The following ELMOD1 variants were observed in gnomAD, a reference collection of about 807,000 sequenced individuals.
The protein encoded by ELMOD1 is ELMO domain-containing protein 1.
In ELMOD1, 21 loss-of-function variants were observed where a neutral mutation model predicts 46.7. The ratio of observed to expected loss-of-function variants is 0.45; its 90% CI spans 0.32 to 0.65. The LOEUF (loss-of-function observed/expected upper bound fraction) is 0.65, where lower values mean the gene tolerates loss of function less well. Ranked by LOEUF, ELMOD1 falls within the 30% of genes least tolerant of loss-of-function variation. ELMOD1 has a pLI of 0.04. For synonymous variants in ELMOD1, 122 were observed against 138.2 expected, an observed-to-expected ratio of 0.88 and a Z score of 0.82; for missense variants, 348 against 407.8, an observed-to-expected ratio of 0.85 and a Z score of 1.26.
At position 107,630,514 on chromosome 11, in the gene ELMOD1, C is replaced by A; in HGVS notation, c.115C>A (p.Arg39=). 1.2e-6 allele frequency: 2 copies of A among 1,610,464 alleles called. No individual in the cohort carries two copies. Among genetic ancestry groups the A allele is most frequent in the East Asian group, 2.2e-5 (1 of 44,806 alleles). The change falls in exon 3 of 12, where the codon CGG becomes AGG. Residue 39 remains arginine, a synonymous_variant. Transcript: ENST00000265840. The part of the protein sequence containing the change: ...RKLTGRCELQ[R]ICYNTKPGAS... ...GCTAACTGGAAGATGTGAACTACAA[C>A]GGATCTGTTATAATACCAAGCCGGG...
chr11:107,654,642 G>A (rs1006063061), intron 10 of ELMOD1, among the ~76,000 whole-genome samples: 15 of 151,990 alleles, frequency 9.9e-5, no homozygotes, highest in Middle Eastern at 3.2e-3. Context: ...GTTGGCGGGC[G>A]CCTGTAGTCC....
At chr11:107,650,934 T>G in intron 9 of ELMOD1, 26 bp downstream of exon 9, 1 of 1,085,750 alleles carries the variant, frequency 9.2e-7, no homozygotes, top group African/African-American at 1.7e-5. Flanking sequence ...TTTTGTGTTT[T>G]ATTGCTTTTA....
At chr11:107,638,538 A>G (rs558766732) in intron 6 of ELMOD1, among the ~76,000 whole-genome samples, 1 of 152,238 alleles carries the variant, frequency 6.6e-6, no homozygotes, top group Admixed American at 6.5e-5. Flanking sequence ...TCTTGTTCAC[A>G]TTTGTCTTTC....
intron 6 of ELMOD1, among the ~76,000 whole-genome samples, chr11:107,641,363 AT>A (rs1384107921): frequency 6.6e-6 from 1 of 152,180 alleles, no homozygotes; most frequent in Non-Finnish European, 1.5e-5. Context: ...AACTAGTTTA[AT>A]AACTTGTTTT....
chr11:107,647,649 C>T, intron 7 of ELMOD1, 48 bp downstream of exon 7: 4 of 1,565,082 alleles, frequency 2.6e-6, no homozygotes, highest in Non-Finnish European at 3.5e-6. Context: ...GTTTTGGTCT[C>T]CTCATACTGA....
rs1176783879 is a variant in ELMOD1, at chr11:107,642,728, T to TA, written c.421-4734dup. 2.0e-5 allele frequency among the ~76,000 whole-genome samples: 3 copies of TA among 152,190 alleles called. No individual in the cohort carries two copies. In the East Asian group the frequency reaches 5.8e-4, roughly 29 times the overall value. ...TGAATATACAGCTTATGAATAACTT[T>TA]AAAAAATTTTCCCATTATAAAAGGC... On this transcript the variant is annotated intron_variant, in intron 6 of 11. Coordinates refer to ENST00000265840, the MANE Select transcript of ELMOD1 (RefSeq NM_018712.4).
At chr11:107,611,483 AAG>A (rs1865779030) in intron 1 of ELMOD1, among the ~76,000 whole-genome samples, 1 of 152,004 alleles carries the variant, frequency 6.6e-6, no homozygotes, top group African/African-American at 2.4e-5. Context: ...GGCGGATCAC[AAG>A]GTCAGGAGAT....
intron 1 of ELMOD1, among the ~76,000 whole-genome samples, chr11:107,603,210 GAGA>G (rs1865631919): frequency 1.3e-5 from 2 of 152,168 alleles, no homozygotes; most frequent in Non-Finnish European, 2.9e-5. Flanking sequence ...TCAAAAGATG[GAGA>G]AGGAGACATA....
intron 9 of ELMOD1, among the ~76,000 whole-genome samples, chr11:107,652,134 C>T (rs1866536781): frequency 3.3e-5 from 5 of 152,136 alleles, no homozygotes; most frequent in Admixed American, 3.3e-4. Context: ...GGATACAGAA[C>T]AGAATGTTTC....
chr11:107,615,383 G>A (rs556810233), intron 1 of ELMOD1, among the ~76,000 whole-genome samples: 15 of 151,588 alleles, frequency 9.9e-5, no homozygotes, highest in African/African-American at 3.4e-4. Flanking sequence ...TTACAGGCAC[G>A]CGCTGCCACA....
chr11:107,608,018 T>TAA (rs34472766), intron 1 of ELMOD1, among the ~76,000 whole-genome samples: 3 of 83,412 alleles, frequency 3.6e-5, no homozygotes, highest in Non-Finnish European at 5.3e-5. Context: ...TCATTAGTGC[T>TAA]AAAAAAAAAA....
At chr11:107,648,454 C>T (rs1329904962) in intron 7 of ELMOD1, among the ~76,000 whole-genome samples, 2 of 152,234 alleles carry the variant, frequency 1.3e-5, no homozygotes, top group Admixed American at 1.3e-4. Context: ...CAGTGTCCCT[C>T]CACTCTCAGC....
chr11:107,662,834 G>T (rs1044356478), intron 11 of ELMOD1, among the ~76,000 whole-genome samples: 2 of 151,808 alleles, frequency 1.3e-5, no homozygotes, highest in Non-Finnish European at 2.9e-5. Context: ...GGAGGCTGCA[G>T]TGAGCTGAGA....
chr11:107,664,899 G>A (rs955929247), intron 11 of ELMOD1, 126 bp from the exon 12 acceptor site: 25 of 819,958 alleles, frequency 3.0e-5, no homozygotes, highest in Non-Finnish European at 4.0e-5. Flanking sequence ...AGATTTTGAG[G>A]TCTTCTTTGA....
intron 6 of ELMOD1, among the ~76,000 whole-genome samples, chr11:107,645,427 A>T (rs995780940): frequency 5.3e-5 from 8 of 151,256 alleles, no homozygotes; most frequent in Admixed American, 6.6e-5. Flanking sequence ...GGGTTCAAGC[A>T]ATTCTCCTGC....
chr11:107,665,318 C>A lies in ELMOD1; in HGVS notation c.*121C>A. 2 of 1,005,360 alleles carry A rather than the reference C, an allele frequency of 2.0e-6. No homozygotes were observed. Among genetic ancestry groups the A allele is most frequent in the Non-Finnish European group, 1.5e-6 (1 of 679,684 alleles). The allele number at this position is 1,005,360 out of a possible 1,614,324, so 62.3% of individuals were successfully genotyped here. A position where few individuals can be genotyped will look rare whatever the true frequency, so the allele number is the denominator to read the frequency against. On this transcript the variant is annotated 3_prime_UTR_variant, in exon 12 of 12. Coordinates refer to ENST00000265840, the MANE Select transcript of ELMOD1 (RefSeq NM_018712.4). ...GTGATTGTATGCATGCCTTTTGGTA[C>A]AGTGTTTTCATCTCTTGGTCATAAT...
At chr11:107,599,281 C>T (rs1046801268) in intron 1 of ELMOD1, among the ~76,000 whole-genome samples, 16 of 151,998 alleles carry the variant, frequency 1.1e-4, no homozygotes, top group Non-Finnish European at 1.8e-4. Context: ...TTTTTTCCTT[C>T]ATTTTAACAT....
intron 1 of ELMOD1, among the ~76,000 whole-genome samples, chr11:107,614,058 G>C (rs1023428969): frequency 6.6e-6 from 1 of 152,130 alleles, no homozygotes; most frequent in Non-Finnish European, 1.5e-5. Flanking sequence ...TAATTCCTCT[G>C]TCTATCCAGT....
chr11:107,654,648 A>G (rs1034319732), intron 10 of ELMOD1, among the ~76,000 whole-genome samples: 5 of 151,992 alleles, frequency 3.3e-5, no homozygotes, highest in Non-Finnish European at 7.4e-5. Flanking sequence ...GGGCGCCTGT[A>G]GTCCCAGCTA....
Sources: allele counts gnomAD v4.1 joint callset (sites outside exome capture counted in the v4.1 genomes callset), GRCh38; gene constraint gnomAD v4.1.1; transcripts MANE v1.5; gene names NCBI Gene and HGNC (gene_info 2026-07-23, HGNC 2026-07-21).